The following GCC2 variants were observed in gnomAD, a reference collection of about 807,000 sequenced individuals.
The protein encoded by GCC2 is GRIP and coiled-coil domain containing 2.
In GCC2, 120 loss-of-function variants were observed where a neutral mutation model predicts 210.6. The observed-to-expected ratio is 0.57, with a 90% CI of 0.49 to 0.66. The LOEUF (loss-of-function observed/expected upper bound fraction) is 0.66, where lower values mean the gene tolerates loss of function less well. Ranked by LOEUF, GCC2 falls within the 30% of genes least tolerant of loss-of-function variation. The probability of loss-of-function intolerance (pLI) is 0.00; values close to 1 mark genes in which losing one functional copy is unlikely to be tolerated. For missense variants in GCC2, 1,868 were observed against 1,871.9 expected (o/e 1.00, Z 0.04); for synonymous variants, 703 against 652.7 (o/e 1.08, Z -1.17).
In GCC2 at chr2:108,507,561, T is replaced by C. The variant is rs780774991; in HGVS notation, c.4986T>C (p.Gly1662=). The C allele has an allele frequency of 2.5e-6, 4 of 1,588,884 alleles. No individual in the cohort carries two copies. Among genetic ancestry groups the C allele is most frequent in the East Asian group, 2.2e-5 (1 of 44,518 alleles). Residue 1662 remains glycine, a splice_region_variant and synonymous_variant, in exon 23 of 23, where the codon GGT becomes GGC. Coordinates refer to ENST00000309863, the MANE Select transcript of GCC2 (RefSeq NM_181453.4). ...EKGKLAAVAQ[G]EEENASRSSG... Reference sequence around the variant, plus strand: ...TTTTTTTTGTTTTACTTTCCAAAGGTGAGGAAGAAAATGCTTCCCGTTCTT... The same window carrying C: ...TTTTTTTTGTTTTACTTTCCAAAGGCGAGGAAGAAAATGCTTCCCGTTCTT...
Position 108,471,283 on chromosome 2 carries a change from C to T in GCC2, c.1954C>T (p.Leu652=), listed in dbSNP as rs773116841. 2 of 1,610,950 alleles carry T rather than the reference C, an allele frequency of 1.2e-6. No individual in the cohort carries two copies. The highest frequency in any genetic ancestry group is 1.7e-5 in the Admixed American group (1 of 59,724). The change falls in exon 6 of 23, where the codon CTA becomes TTA. Residue 652 remains leucine (L), a synonymous_variant. Transcript: ENST00000309863. The part of the protein sequence containing the change: ...EQKVNELTGG[L]EETLKEKDQN... ...AAAGGTAAATGAATTAACAGGAGGA[C>T]TAGAGGAGACTTTAAAAGAAAAGGA...
At position 108,508,851 on chromosome 2, in the gene GCC2, C is replaced by A. The variant is rs2378162; in HGVS notation, c.*1221C>A. ...TTGTAATATTTATGTGTTAATCACA[C>A]AGTATGCTCTCTGAAGTTCTCTTAA... is the stretch of plus-strand genomic sequence containing the variant. On this transcript the variant is annotated 3_prime_UTR_variant, in exon 23 of 23. Coordinates refer to ENST00000309863, the MANE Select transcript of GCC2 (RefSeq NM_181453.4). 1 of 152,666 alleles carries A rather than the reference C, an allele frequency of 6.6e-6. No individual in the cohort carries two copies. Among genetic ancestry groups the A allele is most frequent in the South Asian group, 2.1e-4 (1 of 4,834 alleles). The allele number at this position is 152,666 out of a possible 1,614,324, so 9.5% of individuals were successfully genotyped here. A position where few individuals can be genotyped will look rare whatever the true frequency, so the allele number is the denominator to read the frequency against.
In GCC2 at chr2:108,483,115, G is replaced by A. The variant is rs756776491; in HGVS notation, c.3399G>A (p.Lys1133=). 6.9e-6 allele frequency: 11 copies of A among 1,595,064 alleles called. No homozygotes were observed. The African/African-American group carries it at 9.4e-5, about 14-fold the overall frequency. The change falls in exon 12 of 23, where the codon AAG becomes AAA. Residue 1133 remains lysine, a synonymous_variant. Transcript: ENST00000309863. ...ELEELQVQLQ[K]QKKQLQKTMQ... ...AAGAACTTCAGGTACAACTTCAAAA[G>A]CAAAAGAAACAGCTTCAGAAAACCA...
rs1683344167 is a variant in GCC2 at position 108,508,882 on chromosome 2, C to T, written c.*1252C>T. 1 of 152,644 alleles carries T rather than the reference C, an allele frequency of 6.6e-6. No homozygotes were observed. The highest frequency in any genetic ancestry group is 1.5e-5 in the Non-Finnish European group (1 of 68,042). 9.5% of individuals were successfully genotyped at this position (152,644 alleles called of 1,614,324 possible). On this transcript the variant is annotated 3_prime_UTR_variant, in exon 23 of 23. Transcript: ENST00000309863. ...GCTCTCTGAAGTTCTCTTAAGCCTT[C>T]AGTTTATACTCTTAATTTAATTTTC...
Position 108,490,033 on chromosome 2 carries a change from C to T in GCC2, c.4229+19C>T. On this transcript the variant is annotated intron_variant, in intron 18 of 22. Transcript: ENST00000309863. ...GGGAAAAGTAAGACTGTTAGCAGCA[C>T]TAACGCTGTACCAGACAGCAATGTA... 1 of 1,570,880 alleles carries T rather than the reference C, an allele frequency of 6.4e-7. No individual in the cohort carries two copies. The highest frequency in any genetic ancestry group is 8.6e-7 in the Non-Finnish European group (1 of 1,156,462).
intron 4 of GCC2, among the ~76,000 whole-genome samples, chr2:108,465,033 T>C (rs1298108747): frequency 6.6e-6 from 1 of 152,162 alleles, no homozygotes; most frequent in Non-Finnish European, 1.5e-5. Flanking sequence ...AGCTCACTTT[T>C]CACCAAGGGA....
intron 4 of GCC2, among the ~76,000 whole-genome samples, chr2:108,455,077 A>C (rs1393424228): frequency 1.3e-5 from 2 of 152,116 alleles, no homozygotes; most frequent in African/African-American, 4.8e-5. Flanking sequence ...TTAAATATCT[A>C]CCTGCTGTTT....
At chr2:108,454,685 TAA>T (rs1286231590) in intron 4 of GCC2, among the ~76,000 whole-genome samples, 1 of 152,226 alleles carries the variant, frequency 6.6e-6, no homozygotes, top group Non-Finnish European at 1.5e-5. Flanking sequence ...CTAAGTTTCT[TAA>T]ATTCTTTCTC....
chr2:108,493,892 CA>C lies in GCC2; in HGVS notation c.4447+1107del, dbSNP rs199859377. The C allele has an allele frequency of 3.5e-3, 3,464 of 985,328 alleles. 96 individuals carry two copies. The African/African-American group carries it at 0.057, about 16-fold the overall frequency. The allele number at this position is 985,328 out of a possible 1,614,324, so 61.0% of individuals were successfully genotyped here. Reference sequence around the variant, plus strand: ...TTACCAGAAACCCAGGAAAAAGCTTCAAAAAGGGCAGTCAGGACTAAGGCAA... The same window carrying C: ...TTACCAGAAACCCAGGAAAAAGCTTCAAAAGGGCAGTCAGGACTAAGGCAA... On this transcript the variant is annotated intron_variant, in intron 19 of 22. Transcript: ENST00000309863.
Position 108,469,058 on chromosome 2 carries a change from A to C in GCC2, c.295A>C (p.Asn99His). Residue 99 changes from asparagine (N) to histidine (H), a missense_variant, in exon 5 of 23, where the codon AAT becomes CAT. By Grantham distance (68) the Asn-to-His change is moderately conservative (BLOSUM62 1). This residue lies in a region of GCC2 where 1,847 missense variants were observed against 1,765.2 expected (regional missense o/e 1.05). Coordinates refer to ENST00000309863, the MANE Select transcript of GCC2 (RefSeq NM_181453.4). Reference protein sequence around the residue: ...EQQCLSLKKENIKMKQEVEDS... With the variant: ...EQQCLSLKKEHIKMKQEVEDS... ...ACAGTGTCTTTCTCTGAAAAAGGAA[A>C]ATATAAAAATGAAGCAAGAGGTTGA... is the stretch of plus-strand genomic sequence containing the variant. The C allele has an allele frequency of 6.2e-7, 1 of 1,610,008 alleles. No homozygotes were observed. Among genetic ancestry groups the C allele is most frequent in the East Asian group, 2.2e-5 (1 of 44,770 alleles).
At chr2:108,454,097 T>A (rs1680111086) in intron 4 of GCC2, among the ~76,000 whole-genome samples, 1 of 152,078 alleles carries the variant, frequency 6.6e-6, no homozygotes, top group African/African-American at 2.4e-5. Context: ...TTGACGCCAT[T>A]CTCCTGCCTC....
rs551479518 is a variant in GCC2, at chr2:108,450,934, G to A, written c.64-94G>A. ...GGTTGGCATAAAGATTTATTCTGTAGAATGTTTTTGTTTTCTAGCAGACAT... is the reference window on the plus strand; with the variant it reads ...GGTTGGCATAAAGATTTATTCTGTAAAATGTTTTTGTTTTCTAGCAGACAT... On this transcript the variant is annotated intron_variant, in intron 2 of 22. Transcript: ENST00000309863. 2.4e-5 allele frequency: 19 copies of A among 776,088 alleles called. No individual in the cohort carries two copies. In the South Asian group the frequency reaches 2.6e-4, roughly 11 times the overall value. The allele number at this position is 776,088 out of a possible 1,614,324, so 48.1% of individuals were successfully genotyped here.
rs1029375087 is a variant in GCC2 at position 108,472,107 on chromosome 2, A to T, written c.2778A>T (p.Ile926=). The T allele has an allele frequency of 3.3e-6, 5 of 1,523,348 alleles. No individual in the cohort carries two copies. Among genetic ancestry groups the T allele is most frequent in the South Asian group, 2.7e-5 (2 of 75,180 alleles). 94.4% of individuals were successfully genotyped at this position (1,523,348 alleles called of 1,614,324 possible). The stretch of plus-strand genomic sequence containing the variant: ...TACGAGATAGGAGAGCAGAGTTGAT[A>T]CTATTAAAGGTACCATTCATTTGAA... The part of the protein sequence containing the change: ...KELRDRRAEL[I]LLKDSLAKSP... The change falls in exon 6 of 23, where the codon ATA becomes ATT. Residue 926 remains isoleucine (I), a synonymous_variant. Transcript: ENST00000309863.
intron 2 of GCC2, among the ~76,000 whole-genome samples, chr2:108,450,346 AATT>A (rs1679865461): frequency 6.6e-6 from 1 of 152,204 alleles, no homozygotes; most frequent in Admixed American, 6.5e-5. Context: ...ATTATGCGTA[AATT>A]TTCTTGTGAC....
In GCC2 at chr2:108,470,412, T is replaced by G; in HGVS notation, c.1083T>G (p.Leu361=). 1 of 1,607,996 alleles carries G rather than the reference T, an allele frequency of 6.2e-7. No individual in the cohort carries two copies. Among genetic ancestry groups the G allele is most frequent in the Non-Finnish European group, 8.5e-7 (1 of 1,175,258 alleles). ...LKDEVTYMNN[L]KLKLEMDAQH... Reference sequence around the variant, plus strand: ...ATGAGGTAACTTATATGAATAATCTTAAGTTAAAACTTGAAATGGATGCTC... The same window carrying G: ...ATGAGGTAACTTATATGAATAATCTGAAGTTAAAACTTGAAATGGATGCTC... Residue 361 remains leucine, a synonymous_variant, in exon 6 of 23, where the codon CTT becomes CTG. Transcript: ENST00000309863.
intron 6 of GCC2, among the ~76,000 whole-genome samples, chr2:108,472,510 G>A (rs1410501405): frequency 6.6e-6 from 1 of 151,818 alleles, no homozygotes; most frequent in Non-Finnish European, 1.5e-5. Flanking sequence ...AAATTTTAGG[G>A]TTTTCTTTAA....
intron 4 of GCC2, among the ~76,000 whole-genome samples, chr2:108,455,503 T>C (rs78975572): frequency 6.6e-6 from 1 of 151,656 alleles, no homozygotes; most frequent in Non-Finnish European, 1.5e-5. Flanking sequence ...CTTTTCCTTC[T>C]TTTTTTTTCC....
intron 2 of GCC2, 174 bp downstream of exon 2, chr2:108,449,863 C>G (rs1246914882): frequency 2.9e-5 from 17 of 590,378 alleles, no homozygotes; most frequent in Non-Finnish European, 4.8e-5. Flanking sequence ...CCCCGCCCAC[C>G]CCGATATAGA....
At chr2:108,460,267 A>G (rs1224623576) in intron 4 of GCC2, among the ~76,000 whole-genome samples, 2 of 152,088 alleles carry the variant, frequency 1.3e-5, no homozygotes, top group African/African-American at 4.8e-5. Flanking sequence ...GGGAAAGTGC[A>G]TTTTTTGTGG....
Sources: allele counts gnomAD v4.1 joint callset (sites outside exome capture counted in the v4.1 genomes callset), GRCh38; gene constraint gnomAD v4.1.1; regional missense constraint gnomAD v4.1.1; transcripts MANE v1.5; gene names NCBI Gene and HGNC (gene_info 2026-07-23, HGNC 2026-07-21).